Variants in IMPG2 observed in about 807,000 individuals in gnomAD.
IMPG2 encodes the protein interphotoreceptor matrix proteoglycan 2.
In IMPG2, 91 loss-of-function variants were observed where a neutral mutation model predicts 129.2. The observed-to-expected ratio is 0.70, with a 90% confidence interval of 0.59 to 0.84. The LOEUF (loss-of-function observed/expected upper bound fraction) is 0.84. Ranked by LOEUF, IMPG2 falls within the 40% of genes least tolerant of loss-of-function variation. The probability of loss-of-function intolerance (pLI) is 0.00; values close to 1 mark genes in which losing one functional copy is unlikely to be tolerated. For missense variants in IMPG2, 1,430 were observed against 1,461.7 expected, an observed-to-expected ratio of 0.98 and a Z score of 0.35; for synonymous variants, 510 against 517.7, an observed-to-expected ratio of 0.99 and a Z score of 0.20.
At position 101,244,755 on chromosome 3, in the gene IMPG2, G is replaced by A. The variant is rs890238066; in HGVS notation, c.1576C>T (p.Leu526Phe). The change falls in exon 13 of 19, where the codon CTT (leucine) becomes TTT (phenylalanine). Residue 526 changes from leucine to phenylalanine, a missense_variant. Physicochemically the swap from Leu to Phe is conservative, Grantham distance 22 (BLOSUM62 0). Coordinates refer to ENST00000193391, the MANE Select transcript of IMPG2 (RefSeq NM_016247.4). ...LANVEESEDF[L>F]SIDSLPSSSF... ...CTTGAAGGCAATGAATCAATAGAAA[G>A]AAAATCTTCTGACTCTTCAACATTG... The A allele has an allele frequency of 9.9e-6, 16 of 1,613,994 alleles. No homozygotes were observed. Among genetic ancestry groups the A allele is most frequent in the Non-Finnish European group, 1.4e-5 (16 of 1,179,910 alleles).
intron 11 of IMPG2, 127 bp from the exon 12 acceptor site, chr3:101,246,232 T>C: frequency 1.2e-6 from 1 of 835,588 alleles, no homozygotes; most frequent in Non-Finnish European, 1.8e-6. Context: ...ATTAATAATA[T>C]TAGGAGTAGG....
At chr3:101,285,452 A>T (rs1706934428) in intron 4 of IMPG2, among the ~76,000 whole-genome samples, 2 of 152,234 alleles carry the variant, frequency 1.3e-5, no homozygotes, top group African/African-American at 4.8e-5. Context: ...CCTGAGAAAC[A>T]GGTATTTTTA....
chr3:101,228,450 T>C (rs1193476941), intron 18 of IMPG2, among the ~76,000 whole-genome samples: 1 of 152,188 alleles, frequency 6.6e-6, no homozygotes, highest in Non-Finnish European at 1.5e-5. Context: ...AGAGAAAATA[T>C]GAAAAGACTA....
In IMPG2 at chr3:101,306,605, C is replaced by T. The variant is rs547656163; in HGVS notation, c.335-2293G>A. Among the ~76,000 whole-genome samples the T allele has an allele frequency of 2.6e-5, 4 of 151,850 alleles. No individual in the cohort carries two copies. The South Asian group carries it at 8.3e-4, about 32-fold the overall frequency. ...AAAAGTCTGGGTCAGTAAAAACTAA[C>T]AAAAAGTGAATGTCTATAATGTCTG... On this transcript the variant is annotated intron_variant, in intron 2 of 18. Coordinates refer to ENST00000193391, the MANE Select transcript of IMPG2 (RefSeq NM_016247.4).
Position 101,224,732 on chromosome 3 carries a change from A to T in IMPG2, c.*2237T>A, listed in dbSNP as rs996361310. 5.3e-5 allele frequency: 8 copies of T among 152,212 alleles called. No homozygotes were observed. Among genetic ancestry groups the T allele is most frequent in the African/African-American group, 1.9e-4 (8 of 41,440 alleles). The allele number at this position is 152,212 out of a possible 1,614,324, so 9.4% of individuals were successfully genotyped here. On this transcript the variant is annotated 3_prime_UTR_variant, in exon 19 of 19. Transcript: ENST00000193391. ...GGCAGGACAAAAGTTGTATTCCTCA[A>T]CTGAGGCCTCCTGTTCTTTCCCTGA...
intron 10 of IMPG2, among the ~76,000 whole-genome samples, chr3:101,256,209 GAA>G (rs1287689983): frequency 8.3e-5 from 12 of 143,732 alleles, no homozygotes; most frequent in African/African-American, 2.9e-4. Flanking sequence ...AAGAAAGAAA[GAA>G]AGAAAGAAAA....
In IMPG2 at chr3:101,225,862, G is replaced by A. The variant is rs954300088; in HGVS notation, c.*1107C>T. 6 of 152,178 alleles carry A rather than the reference G, an allele frequency of 3.9e-5. No homozygotes were observed. The highest frequency in any genetic ancestry group is 1.5e-4 in the African/African-American group (6 of 41,342). The allele number at this position is 152,178 out of a possible 1,614,324, so 9.4% of individuals were successfully genotyped here. The stretch of plus-strand genomic sequence containing the variant: ...CATTTTCTGTCAAAATTTATATAAG[G>A]TATGGACTTCCTATCTGTTCAGTTT... On this transcript the variant is annotated 3_prime_UTR_variant, in exon 19 of 19. Transcript: ENST00000193391.
Position 101,242,746 on chromosome 3 carries a change from G to C in IMPG2, c.2964C>G (p.Thr988=). ...AVYMILEDFC[T]TAYNTMNLAI... ...CCAAGTTCATGGTATTGTAGGCAGT[G>C]GTACAAAAGTCTTCCAGAATCATGT... Residue 988 remains threonine, a synonymous_variant, in exon 14 of 19, where the codon ACC becomes ACG. Transcript: ENST00000193391. 1 of 1,613,954 alleles carries C rather than the reference G, an allele frequency of 6.2e-7. No individual in the cohort carries two copies. Among genetic ancestry groups the C allele is most frequent in the East Asian group, 2.2e-5 (1 of 44,870 alleles).
chr3:101,299,123 C>G (rs942900631), intron 3 of IMPG2, among the ~76,000 whole-genome samples: 3 of 152,032 alleles, frequency 2.0e-5, no homozygotes, highest in African/African-American at 7.3e-5. Context: ...TCTAATCTTG[C>G]CTGCATGCCT....
chr3:101,311,132 A>G (rs1445776873), intron 2 of IMPG2, among the ~76,000 whole-genome samples: 3 of 151,862 alleles, frequency 2.0e-5, no homozygotes, highest in Non-Finnish European at 1.5e-5. Flanking sequence ...CTAGGGGCAC[A>G]TGACTAATGA....
chr3:101,280,798 A>G (rs1242301302), intron 4 of IMPG2, among the ~76,000 whole-genome samples: 1 of 151,980 alleles, frequency 6.6e-6, no homozygotes, highest in Admixed American at 6.6e-5. Context: ...AACATACAAA[A>G]ATTAGCCGGG....
At chr3:101,290,385 CTGTAG>C (rs1322619684) in intron 4 of IMPG2, among the ~76,000 whole-genome samples, 1 of 152,074 alleles carries the variant, frequency 6.6e-6, no homozygotes, top group Non-Finnish European at 1.5e-5. Flanking sequence ...TGGTGTGTGC[CTGTAG>C]TCCCAACTAC....
intron 4 of IMPG2, among the ~76,000 whole-genome samples, chr3:101,288,065 T>A (rs184101343): frequency 6.6e-6 from 1 of 151,876 alleles, no homozygotes; most frequent in East Asian, 1.9e-4. Context: ...AATAACCCCA[T>A]TAAAAAGTAG....
chr3:101,274,386 G>T (rs192245463), intron 6 of IMPG2, among the ~76,000 whole-genome samples: 28 of 152,034 alleles, frequency 1.8e-4, no homozygotes, highest in Non-Finnish European at 3.2e-4. Flanking sequence ...TTCCTATGTT[G>T]CTCAGGATAA....
At chr3:101,255,958 T>G (rs937947143) in intron 10 of IMPG2, among the ~76,000 whole-genome samples, 1 of 151,508 alleles carries the variant, frequency 6.6e-6, no homozygotes, top group African/African-American at 2.4e-5. Context: ...CCAGACCACT[T>G]TGTGACCCTG....
intron 2 of IMPG2, among the ~76,000 whole-genome samples, chr3:101,306,286 T>G (rs941265578): frequency 6.6e-6 from 1 of 152,234 alleles, no homozygotes; most frequent in Non-Finnish European, 1.5e-5. Context: ...AAGAAGATAG[T>G]CTAAGCCAAA....
At chr3:101,236,470 G>A (rs1051355682) in intron 14 of IMPG2, among the ~76,000 whole-genome samples, 1 of 152,234 alleles carries the variant, frequency 6.6e-6, no homozygotes, top group Middle Eastern at 3.4e-3. Context: ...TGCAGAAGGT[G>A]GGTGATTTCT....
chr3:101,289,607 G>A (rs182592320), intron 4 of IMPG2, among the ~76,000 whole-genome samples: 30 of 152,244 alleles, frequency 2.0e-4, no homozygotes, highest in African/African-American at 6.5e-4. Flanking sequence ...GAAGGAAACT[G>A]AGACAGATGA....
chr3:101,276,324 G>A (rs1162135125), intron 5 of IMPG2, among the ~76,000 whole-genome samples: 2 of 152,134 alleles, frequency 1.3e-5, no homozygotes, highest in Non-Finnish European at 2.9e-5. Flanking sequence ...CTCATGGGAC[G>A]AATGACAAAT....
Sources: gnomAD v4.1 joint callset for allele counts (sites outside exome capture counted in the v4.1 genomes callset) on GRCh38, gnomAD v4.1.1 for gene constraint, MANE v1.5 for transcripts, NCBI Gene and HGNC (gene_info 2026-07-23, HGNC 2026-07-21) for gene names.